The following VTA1 variants were observed in gnomAD, a reference collection of about 807,000 sequenced individuals.
VTA1 encodes vesicle trafficking 1.
A neutral mutation model predicts 36.9 loss-of-function variants in VTA1; 24 were observed. That is an observed-to-expected ratio of 0.65 (90% CI 0.47 to 0.91). The LOEUF (loss-of-function observed/expected upper bound fraction) is 0.91. Ranked by LOEUF, VTA1 falls within the 40% of genes least tolerant of loss-of-function variation. The pLI, the probability that VTA1 is intolerant of heterozygous loss-of-function variation, is 0.00. For synonymous variants in VTA1, 142 were observed against 130.2 expected (o/e 1.09, Z -0.62); for missense variants, 393 against 377.2 (o/e 1.04, Z -0.35).
intron 4 of VTA1, among the ~76,000 whole-genome samples, chr6:142,174,028 G>A (rs1775072759): frequency 6.6e-6 from 1 of 152,166 alleles, no homozygotes; most frequent in South Asian, 2.1e-4. Flanking sequence ...GTGGATAAAG[G>A]ATTCCAGATA....
intron 6 of VTA1, among the ~76,000 whole-genome samples, chr6:142,201,936 G>C (rs988441156): frequency 6.6e-6 from 1 of 151,984 alleles, no homozygotes; most frequent in Non-Finnish European, 1.5e-5. Flanking sequence ...TCTATAAATA[G>C]AGATTTGTTT....
At chr6:142,169,498 C>G in intron 2 of VTA1, 52 bp from the exon 3 acceptor site, 1 of 1,548,466 alleles carries the variant, frequency 6.5e-7, no homozygotes, top group Non-Finnish European at 8.7e-7. Flanking sequence ...GTAATTAAGT[C>G]AACACTTCTG....
chr6:142,218,743 G>A lies in VTA1; in HGVS notation c.*100G>A. On this transcript the variant is annotated 3_prime_UTR_variant, in exon 8 of 8. Coordinates refer to ENST00000367630, the MANE Select transcript of VTA1 (RefSeq NM_016485.5). Reference sequence around the variant, plus strand: ...GGATCACAGTTTTAAGGAAGACTTGGTTTTGTTGAATATGACAATGAAATC... The same window carrying A: ...GGATCACAGTTTTAAGGAAGACTTGATTTTGTTGAATATGACAATGAAATC... 1 of 1,364,196 alleles carries A rather than the reference G, an allele frequency of 7.3e-7. No homozygotes were observed. The highest frequency in any genetic ancestry group is 9.7e-7 in the Non-Finnish European group (1 of 1,027,392). 84.5% of individuals were successfully genotyped at this position (1,364,196 alleles called of 1,614,324 possible).
chr6:142,207,224 C>T (rs1278209155), intron 7 of VTA1, among the ~76,000 whole-genome samples: 2 of 152,132 alleles, frequency 1.3e-5, no homozygotes, highest in Non-Finnish European at 2.9e-5. Flanking sequence ...TCTCCCCCAC[C>T]TCATAATTTC....
At chr6:142,198,115 A>ATG (rs1259650162) in intron 5 of VTA1, among the ~76,000 whole-genome samples, 35 of 76,542 alleles carry the variant, frequency 4.6e-4, no homozygotes, top group Middle Eastern at 7.5e-3. Flanking sequence ...ATATATATAT[A>ATG]TATATGTGTG....
At chr6:142,174,209 C>T (rs1194079158) in intron 4 of VTA1, among the ~76,000 whole-genome samples, 2 of 152,182 alleles carry the variant, frequency 1.3e-5, no homozygotes, top group Non-Finnish European at 1.5e-5. Flanking sequence ...CCTGTGGGAG[C>T]AGCCACAGGG....
At chr6:142,179,087 A>C (rs1391243303) in intron 4 of VTA1, among the ~76,000 whole-genome samples, 1 of 152,120 alleles carries the variant, frequency 6.6e-6, no homozygotes, top group Non-Finnish European at 1.5e-5. Flanking sequence ...AAACTATATG[A>C]AACAAAAATC....
chr6:142,160,154 T>G (rs956004857), intron 1 of VTA1, among the ~76,000 whole-genome samples: 1 of 152,206 alleles, frequency 6.6e-6, no homozygotes. Flanking sequence ...TTGATTCTTT[T>G]GTGTATTGTT....
chr6:142,151,865 C>G (rs1015022650), intron 1 of VTA1, among the ~76,000 whole-genome samples: 14 of 152,154 alleles, frequency 9.2e-5, no homozygotes, highest in African/African-American at 3.4e-4. Flanking sequence ...GAAACCCCAT[C>G]TCTACTAAAA....
intron 5 of VTA1, among the ~76,000 whole-genome samples, chr6:142,190,812 G>A (rs1396502066): frequency 2.6e-5 from 4 of 152,172 alleles, no homozygotes; most frequent in South Asian, 2.1e-4. Context: ...TAGCTCTGCT[G>A]TTGTAGTACA....
At chr6:142,192,764 G>A (rs1396802972) in intron 5 of VTA1, among the ~76,000 whole-genome samples, 2 of 151,550 alleles carry the variant, frequency 1.3e-5, no homozygotes, top group Non-Finnish European at 2.9e-5. Flanking sequence ...TCATAATCTG[G>A]TGTTAATGTC....
At chr6:142,217,014 AT>A (rs1776016233) in intron 7 of VTA1, among the ~76,000 whole-genome samples, 4 of 152,270 alleles carry the variant, frequency 2.6e-5, no homozygotes, top group African/African-American at 9.6e-5. Context: ...TCTGGTAGGT[AT>A]TTTTCAAGAT....
At chr6:142,191,104 T>A (rs1775447125) in intron 5 of VTA1, among the ~76,000 whole-genome samples, 1 of 152,162 alleles carries the variant, frequency 6.6e-6, no homozygotes, top group Non-Finnish European at 1.5e-5. Flanking sequence ...TATGTTGACA[T>A]TTATAACTAA....
chr6:142,180,287 C>T (rs538938242), intron 4 of VTA1, among the ~76,000 whole-genome samples: 3 of 152,212 alleles, frequency 2.0e-5, no homozygotes, highest in Non-Finnish European at 4.4e-5. Context: ...AATCATAGGA[C>T]CCAGAAGCCG....
chr6:142,187,894 C>CA (rs1206766457), intron 4 of VTA1, among the ~76,000 whole-genome samples: 2 of 147,380 alleles, frequency 1.4e-5, no homozygotes, highest in African/African-American at 2.5e-5. Flanking sequence ...TGGATCTTTG[C>CA]AAAAGGATAC....
At chr6:142,204,135 T>C in intron 7 of VTA1, 70 bp downstream of exon 7, 2 of 1,304,834 alleles carry the variant, frequency 1.5e-6, no homozygotes, top group South Asian at 1.2e-5. Flanking sequence ...TAATTTTACC[T>C]TGACAGTACC....
intron 4 of VTA1, among the ~76,000 whole-genome samples, chr6:142,188,315 A>G (rs1775387155): frequency 1.5e-5 from 2 of 137,604 alleles, no homozygotes; most frequent in African/African-American, 2.8e-5. Context: ...CCTGGCTTCA[A>G]GTGATTCTCC....
intron 2 of VTA1, among the ~76,000 whole-genome samples, chr6:142,168,758 T>C (rs1774972645): frequency 6.8e-6 from 1 of 147,356 alleles, no homozygotes; most frequent in African/African-American, 2.5e-5. Context: ...TTATTATTAT[T>C]ATTATTATTA....
rs376223351 is a variant in VTA1, at chr6:142,192,835, A to G, written c.520+3301A>G. 7.2e-5 allele frequency among the ~76,000 whole-genome samples: 11 copies of G among 152,148 alleles called. No homozygotes were observed. In the South Asian group the frequency reaches 1.7e-3, roughly 23 times the overall value. On this transcript the variant is annotated intron_variant, in intron 5 of 7. Coordinates refer to ENST00000367630, the MANE Select transcript of VTA1 (RefSeq NM_016485.5). ...TGGCTTCACAAGAGGATATCATTATATATATATTTTGAAGTATTTATTAGT... is the reference window on the plus strand; with the variant it reads ...TGGCTTCACAAGAGGATATCATTATGTATATATTTTGAAGTATTTATTAGT...
Sources: gnomAD v4.1 joint callset for allele counts (sites outside exome capture counted in the v4.1 genomes callset) on GRCh38, gnomAD v4.1.1 for gene constraint, MANE v1.5 for transcripts, NCBI Gene and HGNC (gene_info 2026-07-23, HGNC 2026-07-21) for gene names.